UNC13B: variants seen among roughly 807,000 people sequenced by gnomAD.
UNC13B encodes the protein protein unc-13 homolog B.
Under a neutral mutation model 211.0 loss-of-function variants are expected in UNC13B, and 144 were observed. That is an observed-to-expected ratio of 0.68 (90% confidence interval 0.60 to 0.78). The LOEUF is 0.78. Ranked by LOEUF, UNC13B falls within the 30% of genes least tolerant of loss-of-function variation. The probability of loss-of-function intolerance (pLI) is 0.00; values close to 1 mark genes in which losing one functional copy is unlikely to be tolerated. For synonymous variants in UNC13B, 709 were observed against 725.8 expected, an observed-to-expected ratio of 0.98 and a Z score of 0.37; for missense variants, 1,777 against 2,002.0, an observed-to-expected ratio of 0.89 and a Z score of 2.14.
chr9:35,217,363 C>G (rs974686530), intron 1 of UNC13B, among the ~76,000 whole-genome samples: 1 of 151,686 alleles, frequency 6.6e-6, no homozygotes, highest in Non-Finnish European at 1.5e-5. Context: ...TACAAGGATG[C>G]CTACTATCAT....
chr9:35,247,193 A>G (rs1199240201), intron 6 of UNC13B, among the ~76,000 whole-genome samples: 2 of 152,286 alleles, frequency 1.3e-5, no homozygotes, highest in East Asian at 3.9e-4. Flanking sequence ...TGATTTTTGC[A>G]CATTGATTTT....
In UNC13B at chr9:35,235,565, A is replaced by C. The variant is rs372225684; in HGVS notation, c.153-904A>C. 7.6e-4 allele frequency among the ~76,000 whole-genome samples: 116 copies of C among 152,124 alleles called. 2 individuals are homozygous for C. In the South Asian group the frequency reaches 0.019, roughly 25 times the overall value. ...GTGATTCTTGTGCCTCAGCCTCCCAAGTAGCTGGGATTACAGGTGTGCACC... is the reference window on the plus strand; with the variant it reads ...GTGATTCTTGTGCCTCAGCCTCCCACGTAGCTGGGATTACAGGTGTGCACC... On this transcript the variant is annotated intron_variant, in intron 3 of 39. Coordinates refer to ENST00000635942, the MANE Select transcript of UNC13B (RefSeq NM_001371189.2).
chr9:35,177,399 A>G (rs1238225347), intron 1 of UNC13B, among the ~76,000 whole-genome samples: 2 of 152,334 alleles, frequency 1.3e-5, no homozygotes, highest in South Asian at 2.1e-4. Context: ...AACTGAAAGC[A>G]CTGGGTTTCT....
At chr9:35,384,830 A>G in intron 22 of UNC13B, 2 of 806,992 alleles carry the variant, frequency 2.5e-6, no homozygotes, top group Non-Finnish European at 3.0e-6. Flanking sequence ...GGGACGGGAC[A>G]GGATAAGGAA....
chr9:35,382,031 T>A (rs1315898680), intron 20 of UNC13B, among the ~76,000 whole-genome samples: 2 of 152,208 alleles, frequency 1.3e-5, no homozygotes, highest in Non-Finnish European at 2.9e-5. Context: ...AGGGTATGTG[T>A]GCTCGTGTAC....
intron 21 of UNC13B, among the ~76,000 whole-genome samples, chr9:35,384,014 G>T (rs771083543): frequency 6.6e-6 from 1 of 152,212 alleles, no homozygotes; most frequent in Non-Finnish European, 1.5e-5. Context: ...TTCCTTGTCA[G>T]TGTGAGATTT....
At chr9:35,281,915 C>T (rs1376786554) in intron 7 of UNC13B, among the ~76,000 whole-genome samples, 1 of 152,096 alleles carries the variant, frequency 6.6e-6, no homozygotes, top group East Asian at 1.9e-4. Flanking sequence ...TTCTTGATGG[C>T]TTCGGTGGAG....
chr9:35,264,806 T>C (rs1827475435), intron 7 of UNC13B, among the ~76,000 whole-genome samples: 2 of 152,214 alleles, frequency 1.3e-5, no homozygotes, highest in South Asian at 4.1e-4. Context: ...TTAGATCTAA[T>C]GGAATTCACC....
intron 1 of UNC13B, among the ~76,000 whole-genome samples, chr9:35,183,547 G>A (rs1283931014): frequency 2.9e-5 from 4 of 136,882 alleles, no homozygotes; most frequent in African/African-American, 1.1e-4. Context: ...GATGAAGGGC[G>A]GCCAGGCAGA....
At chr9:35,172,840 T>C (rs948516987) in intron 1 of UNC13B, among the ~76,000 whole-genome samples, 2 of 152,170 alleles carry the variant, frequency 1.3e-5, no homozygotes, top group Non-Finnish European at 2.9e-5. Flanking sequence ...AAGTTTGTGC[T>C]AAGGTGTAAG....
At chr9:35,163,510 C>G (rs72722992) in intron 1 of UNC13B, among the ~76,000 whole-genome samples, 4,038 of 152,192 alleles carry the variant, frequency 0.027, 82 homozygotes, top group Non-Finnish European at 0.04. Context: ...GAGAATTTTG[C>G]TTTGCTTTTA....
intron 26 of UNC13B, 60 bp from the exon 27 acceptor site, chr9:35,396,416 G>A (rs148384026): frequency 1.1e-4 from 172 of 1,604,728 alleles, no homozygotes; most frequent in Middle Eastern, 5.0e-4. Flanking sequence ...GCCTTGGGAA[G>A]GCTCAGGAAC....
chr9:35,376,610 A>T (rs1017291008), intron 15 of UNC13B, among the ~76,000 whole-genome samples: 1 of 152,192 alleles, frequency 6.6e-6, no homozygotes, highest in African/African-American at 2.4e-5. Flanking sequence ...AGAGGAAAGA[A>T]ATAGAGTTTT....
chr9:35,403,628 C>A, intron 39 of UNC13B, 29 bp downstream of exon 39: 1 of 992,766 alleles, frequency 1.0e-6, no homozygotes. Context: ...ATACAGGACT[C>A]TGGGATGGGG....
intron 1 of UNC13B, among the ~76,000 whole-genome samples, chr9:35,206,123 G>A (rs1009534723): frequency 6.6e-6 from 1 of 152,164 alleles, no homozygotes; most frequent in African/African-American, 2.4e-5. Flanking sequence ...GGCAGAGGTT[G>A]TAGTGAGCTG....
chr9:35,185,765 CAA>C (rs202222034), intron 1 of UNC13B, among the ~76,000 whole-genome samples: 3 of 124,878 alleles, frequency 2.4e-5, no homozygotes. Context: ...TATTAAAATA[CAA>C]AAAAAAAAAA....
intron 7 of UNC13B, among the ~76,000 whole-genome samples, chr9:35,294,902 T>C (rs1564118166): frequency 6.6e-6 from 1 of 152,264 alleles, no homozygotes; most frequent in Non-Finnish European, 1.5e-5. Context: ...AGTCAGGTGC[T>C]GGTCTGAAGG....
intron 1 of UNC13B, among the ~76,000 whole-genome samples, chr9:35,177,001 A>T (rs1223422259): frequency 6.6e-6 from 1 of 152,186 alleles, no homozygotes; most frequent in Non-Finnish European, 1.5e-5. Context: ...ATGGATTAAG[A>T]TGAAGCTGGG....
intron 7 of UNC13B, among the ~76,000 whole-genome samples, chr9:35,259,601 T>C: frequency 6.6e-6 from 1 of 152,270 alleles, no homozygotes; most frequent in African/African-American, 2.4e-5. Context: ...ATGATTGACT[T>C]ATTTCTCCTG....
Sources: gnomAD v4.1 joint callset for allele counts (sites outside exome capture counted in the v4.1 genomes callset) on GRCh38, gnomAD v4.1.1 for gene constraint, MANE v1.5 for transcripts, NCBI Gene and HGNC (gene_info 2026-07-23, HGNC 2026-07-21) for gene names.